XRCC4: variants seen among roughly 807,000 people sequenced by gnomAD.
XRCC4 encodes the protein DNA repair protein XRCC4.
Under a neutral mutation model 39.1 loss-of-function variants are expected in XRCC4, and 28 were observed. The observed-to-expected ratio is 0.72, with a 90% CI of 0.53 to 0.98. The LOEUF is 0.98. XRCC4 is among the 50% of genes least tolerant of loss of function. The probability of loss-of-function intolerance (pLI) is 0.00; values close to 1 mark genes in which losing one functional copy is unlikely to be tolerated. For missense variants in XRCC4, 350 were observed against 376.4 expected (o/e 0.93, Z 0.58); for synonymous variants, 123 against 126.4 (o/e 0.97, Z 0.18).
At chr5:83,238,038 A>C (rs1348143109) in intron 6 of XRCC4, among the ~76,000 whole-genome samples, 1 of 152,154 alleles carries the variant, frequency 6.6e-6, no homozygotes, top group Non-Finnish European at 1.5e-5. Flanking sequence ...AAGATAACAT[A>C]AATTAGCCCA....
intron 3 of XRCC4, among the ~76,000 whole-genome samples, chr5:83,119,663 A>G (rs528998412): frequency 2.0e-5 from 3 of 152,296 alleles, no homozygotes; most frequent in South Asian, 4.1e-4. Context: ...AAAAGGAACA[A>G]CTTAGCATAA....
At chr5:83,193,258 A>C (rs1355752433) in intron 3 of XRCC4, among the ~76,000 whole-genome samples, 1 of 152,096 alleles carries the variant, frequency 6.6e-6, no homozygotes, top group African/African-American at 2.4e-5. Flanking sequence ...ATACGGGCCA[A>C]ATACTTTTGA....
chr5:83,300,150 C>T (rs576388399), intron 7 of XRCC4, among the ~76,000 whole-genome samples: 1 of 152,250 alleles, frequency 6.6e-6, no homozygotes, highest in Non-Finnish European at 1.5e-5. Context: ...AAGTGATTTG[C>T]AAACATACTT....
intron 2 of XRCC4, among the ~76,000 whole-genome samples, chr5:83,106,803 G>A (rs1040140328): frequency 1.3e-5 from 2 of 151,838 alleles, no homozygotes; most frequent in African/African-American, 4.8e-5. Flanking sequence ...CGGTACCTAC[G>A]AAATACATTC....
intron 7 of XRCC4, among the ~76,000 whole-genome samples, chr5:83,290,545 C>G (rs567231905): frequency 1.3e-5 from 2 of 151,840 alleles, no homozygotes; most frequent in African/African-American, 4.8e-5. Flanking sequence ...CACTGTAAAA[C>G]ATACTAGTAA....
intron 3 of XRCC4, among the ~76,000 whole-genome samples, chr5:83,135,896 A>G (rs1159484186): frequency 6.6e-6 from 1 of 151,992 alleles, no homozygotes; most frequent in African/African-American, 2.4e-5. Flanking sequence ...TCTGCTCCAT[A>G]TGTGTTCTGT....
At chr5:83,283,240 C>A (rs936924745) in intron 7 of XRCC4, among the ~76,000 whole-genome samples, 3 of 152,154 alleles carry the variant, frequency 2.0e-5, no homozygotes, top group Non-Finnish European at 4.4e-5. Context: ...CAGTTCAACA[C>A]CCTCATTTTA....
At chr5:83,224,693 G>T (rs189744827) in intron 6 of XRCC4, among the ~76,000 whole-genome samples, 1 of 151,828 alleles carries the variant, frequency 6.6e-6, no homozygotes, top group African/African-American at 2.4e-5. Flanking sequence ...TTTGTAATGC[G>T]TGGTGATAAA....
At chr5:83,258,698 C>T (rs1265507838) in intron 7 of XRCC4, 21 bp downstream of exon 7, 1 of 1,602,624 alleles carries the variant, frequency 6.2e-7, no homozygotes. Context: ...TTATTCTTTG[C>T]CAAGAAGTGA....
intron 3 of XRCC4, among the ~76,000 whole-genome samples, chr5:83,128,279 C>T (rs554797175): frequency 3.3e-5 from 5 of 152,234 alleles, no homozygotes; most frequent in African/African-American, 1.2e-4. Context: ...CAGCTTCATC[C>T]ATGTCCCTAC....
At chr5:83,134,312 A>G (rs899042107) in intron 3 of XRCC4, among the ~76,000 whole-genome samples, 1 of 152,082 alleles carries the variant, frequency 6.6e-6, no homozygotes, top group African/African-American at 2.4e-5. Context: ...TTTTGTGTCT[A>G]GCTAAAGGAT....
At chr5:83,255,087 C>CA (rs564311242) in intron 6 of XRCC4, among the ~76,000 whole-genome samples, 5,974 of 129,908 alleles carry the variant, frequency 0.046, 495 homozygotes, top group African/African-American at 0.21. Context: ...AATTCCGTCT[C>CA]AAAAAAGAAA....
intron 3 of XRCC4, among the ~76,000 whole-genome samples, chr5:83,143,056 C>G (rs567346766): frequency 6.6e-6 from 1 of 152,180 alleles, no homozygotes; most frequent in East Asian, 1.9e-4. Context: ...TTACCAGTGA[C>G]AGTACTTTTT....
At chr5:83,292,496 C>T (rs1754953070) in intron 7 of XRCC4, among the ~76,000 whole-genome samples, 1 of 151,918 alleles carries the variant, frequency 6.6e-6, no homozygotes, top group African/African-American at 2.4e-5. Context: ...TTTAAATATA[C>T]ATTTGACTTA....
chr5:83,297,433 A>G (rs1376288992), intron 7 of XRCC4, among the ~76,000 whole-genome samples: 3 of 151,976 alleles, frequency 2.0e-5, no homozygotes, highest in Non-Finnish European at 2.9e-5. Flanking sequence ...TATTTGCCAC[A>G]TGTGCATTTA....
chr5:83,179,441 T>C (rs1365191887), intron 3 of XRCC4, among the ~76,000 whole-genome samples: 1 of 152,196 alleles, frequency 6.6e-6, no homozygotes, highest in East Asian at 1.9e-4. Context: ...AAGTATATTA[T>C]GGAAGTGCAG....
At chr5:83,222,488 T>G (rs2112791729) in intron 6 of XRCC4, among the ~76,000 whole-genome samples, 1 of 152,292 alleles carries the variant, frequency 6.6e-6, no homozygotes, top group Non-Finnish European at 1.5e-5. Flanking sequence ...CATCTTTATC[T>G]TTTACCTTGT....
At chr5:83,078,528 G>A (rs1240700898) in intron 1 of XRCC4, among the ~76,000 whole-genome samples, 2 of 152,186 alleles carry the variant, frequency 1.3e-5, no homozygotes, top group Non-Finnish European at 2.9e-5. Context: ...ACTGTATTCG[G>A]CCTATGAGAC....
At chr5:83,353,932 C>T (rs1757159406), downstream of XRCC4, 1 of 152,150 alleles carries the variant, frequency 6.6e-6, no homozygotes, top group Non-Finnish European at 1.5e-5. Flanking sequence ...AGGGGCCCTT[C>T]TTGAAGACAA....
Sources: allele counts gnomAD v4.1 joint callset (sites outside exome capture counted in the v4.1 genomes callset), GRCh38; gene constraint gnomAD v4.1.1; transcripts MANE v1.5; gene names NCBI Gene and HGNC (gene_info 2026-07-23, HGNC 2026-07-21).